EPHX1: variants seen among roughly 807,000 people sequenced by gnomAD.
EPHX1 encodes epoxide hydrolase 1, also known as epoxide hydratase.
Under a neutral mutation model 43.2 loss-of-function variants are expected in EPHX1, and 40 were observed. The ratio of observed to expected loss-of-function variants is 0.93; its 90% CI spans 0.72 to 1.21. EPHX1 has a LOEUF of 1.21. EPHX1 is among the 50% of genes most tolerant of loss of function. EPHX1 has a pLI of 0.00. For synonymous variants in EPHX1, 221 were observed against 226.7 expected (o/e 0.98, Z 0.22); for missense variants, 550 against 570.4 (o/e 0.96, Z 0.36).
chr1:225,831,829 C>T lies in EPHX1; in HGVS notation c.234C>T (p.Asp78=). 6.2e-7 allele frequency: 1 copy of T among 1,614,202 alleles called. No homozygotes were observed. The highest frequency in any genetic ancestry group is 1.7e-5 in the Admixed American group (1 of 60,016). ...TCCGTTTCACCCCACCTTTGGAGGA[C>T]AGCTGCTTCCACTATGGCTTCAACT... ...DKFRFTPPLE[D]SCFHYGFNSN... Residue 78 remains aspartate (D), a synonymous_variant, in exon 3 of 9, where the codon GAC becomes GAT. Coordinates refer to ENST00000272167, the MANE Select transcript of EPHX1 (RefSeq NM_001136018.4).
intron 2 of EPHX1, among the ~76,000 whole-genome samples, chr1:225,831,159 A>G (rs552870465): frequency 2.0e-5 from 3 of 152,324 alleles, no homozygotes; most frequent in Admixed American, 2.0e-4. Flanking sequence ...AAAGCCTAGA[A>G]TATTTACTAT....
chr1:225,818,906 T>C (rs1315792068), intron 1 of EPHX1, among the ~76,000 whole-genome samples: 3 of 135,442 alleles, frequency 2.2e-5, no homozygotes, highest in African/African-American at 8.5e-5. Context: ...CTGGGCAATA[T>C]AGTGAGAACC....
chr1:225,834,604 A>AC (rs1667856523), intron 3 of EPHX1, among the ~76,000 whole-genome samples: 2 of 151,680 alleles, frequency 1.3e-5, no homozygotes, highest in Admixed American at 6.6e-5. Flanking sequence ...AAAAAAAAAA[A>AC]AAAAATCTGG....
intron 6 of EPHX1, among the ~76,000 whole-genome samples, chr1:225,841,765 C>T (rs1668447556): frequency 6.6e-6 from 1 of 151,886 alleles, no homozygotes. Flanking sequence ...CCATGCCCTG[C>T]TAATTTTTTT....
At chr1:225,818,597 G>A (rs763233285) in intron 1 of EPHX1, among the ~76,000 whole-genome samples, 11 of 152,098 alleles carry the variant, frequency 7.2e-5, no homozygotes, top group Non-Finnish European at 1.5e-4. Context: ...AAAGATCGGG[G>A]GGCAGCGTGA....
At chr1:225,824,327 G>A (rs1046342704) in intron 1 of EPHX1, among the ~76,000 whole-genome samples, 1 of 152,214 alleles carries the variant, frequency 6.6e-6, no homozygotes, top group African/African-American at 2.4e-5. Context: ...ACAAGAAGGG[G>A]AGTTGGGGTG....
At chr1:225,834,589 T>TA (rs33985896) in intron 3 of EPHX1, among the ~76,000 whole-genome samples, 13,776 of 121,134 alleles carry the variant, frequency 0.11, 1,050 homozygotes, top group African/African-American at 0.2. Context: ...CCAAGAACAC[T>TA]AAAAAAAAAA....
At chr1:225,834,663 C>A (rs1667859549) in intron 3 of EPHX1, among the ~76,000 whole-genome samples, 1 of 149,454 alleles carries the variant, frequency 6.7e-6, no homozygotes, top group Non-Finnish European at 1.5e-5. Context: ...TTGCTGTATT[C>A]TTTACAGTAA....
chr1:225,816,343 A>T (rs954334733), intron 1 of EPHX1, among the ~76,000 whole-genome samples: 1 of 148,370 alleles, frequency 6.7e-6, no homozygotes, highest in African/African-American at 2.5e-5. Context: ...ATTTTAAAAG[A>T]TTAAAAAAAG....
At chr1:225,826,579 A>G (rs1002999520) in intron 1 of EPHX1, among the ~76,000 whole-genome samples, 2 of 151,988 alleles carry the variant, frequency 1.3e-5, no homozygotes, top group African/African-American at 4.8e-5. Flanking sequence ...TAGACTGAGT[A>G]AATGTTGATC....
rs761335756 is a variant in EPHX1 at position 225,838,689 on chromosome 1, C to G, written c.400C>G (p.Gln134Glu). 5.0e-6 allele frequency: 8 copies of G among 1,614,042 alleles called. No individual in the cohort carries two copies. The Admixed American group carries it at 1.0e-4, about 20-fold the overall frequency. The change falls in exon 4 of 9, where the codon CAG becomes GAG. Residue 134 changes from glutamine to glutamate, a missense_variant. Gln to Glu is a conservative substitution (Grantham distance 29). Coordinates refer to ENST00000272167, the MANE Select transcript of EPHX1 (RefSeq NM_001136018.4). ...DIHFIHVKPP[Q>E]LPAGHTPKPL... Reference sequence around the variant, plus strand: ...CCACTTCATCCACGTGAAGCCCCCCCAGCTGCCCGCAGGCCATACCCCGAA... The same window carrying G: ...CCACTTCATCCACGTGAAGCCCCCCGAGCTGCCCGCAGGCCATACCCCGAA...
At chr1:225,832,089 T>C (rs1667637419) in intron 3 of EPHX1, 130 bp downstream of exon 3, 6 of 1,005,106 alleles carry the variant, frequency 6.0e-6, no homozygotes, top group South Asian at 2.7e-5. Context: ...GATGTACTTA[T>C]ACGTTGTAAC....
At chr1:225,839,152 C>A in intron 4 of EPHX1, 65 bp from the exon 5 acceptor site, 1 of 1,611,452 alleles carries the variant, frequency 6.2e-7, no homozygotes, top group Non-Finnish European at 8.5e-7. Context: ...CATAGAACAC[C>A]AGAGGGCCCA....
intron 7 of EPHX1, 150 bp from the exon 8 acceptor site, chr1:225,844,348 C>A: frequency 1.6e-6 from 2 of 1,254,718 alleles, no homozygotes; most frequent in Non-Finnish European, 2.3e-6. Flanking sequence ...CGCAGCCTGC[C>A]TGTGACACGA....
At chr1:225,811,121 C>T (rs1167467155) in intron 1 of EPHX1, among the ~76,000 whole-genome samples, 2 of 152,132 alleles carry the variant, frequency 1.3e-5, no homozygotes, top group African/African-American at 2.4e-5. Context: ...GGGAGTTCAC[C>T]TTGTAGTTGA....
intron 6 of EPHX1, 58 bp downstream of exon 6, chr1:225,840,095 C>A: frequency 6.4e-7 from 1 of 1,566,052 alleles, no homozygotes; most frequent in Non-Finnish European, 8.8e-7. Flanking sequence ...GGGAGACACC[C>A]GCGGGGTAAC....
Position 225,817,518 on chromosome 1 carries a change from C to T in EPHX1, c.-6+7349C>T, listed in dbSNP as rs1330946145. On this transcript the variant is annotated intron_variant, in intron 1 of 8. Transcript: ENST00000272167. The surrounding 1 kb of genome is among the most constrained non-coding windows in gnomAD (Gnocchi z 5.7). ...GGTGCTGGGGAGGGCAGTATGGGGGCAGGCTTGGGACCAGGCCTGCAGAAG... is the reference window on the plus strand; with the variant it reads ...GGTGCTGGGGAGGGCAGTATGGGGGTAGGCTTGGGACCAGGCCTGCAGAAG... Among the ~76,000 whole-genome samples the T allele has an allele frequency of 1.3e-5, 2 of 152,198 alleles. No homozygotes were observed. The highest frequency in any genetic ancestry group is 2.9e-5 in the Non-Finnish European group (2 of 68,032).
Position 225,831,863 on chromosome 1 carries a change from C to T in EPHX1, c.268C>T (p.Leu90=), listed in dbSNP as rs922436327. The T allele has an allele frequency of 6.2e-7, 1 of 1,614,184 alleles. No individual in the cohort carries two copies. The highest frequency in any genetic ancestry group is 8.5e-7 in the Non-Finnish European group (1 of 1,180,024). Residue 90 remains leucine (L), a synonymous_variant, in exon 3 of 9, where the codon CTG becomes TTG. Coordinates refer to ENST00000272167, the MANE Select transcript of EPHX1 (RefSeq NM_001136018.4). ...CCACTATGGCTTCAACTCCAACTACCTGAAGAAAGTCATCTCCTACTGGCG... is the reference window on the plus strand; with the variant it reads ...CCACTATGGCTTCAACTCCAACTACTTGAAGAAAGTCATCTCCTACTGGCG... ...CFHYGFNSNY[L]KKVISYWRNE...
intron 3 of EPHX1, among the ~76,000 whole-genome samples, chr1:225,834,012 A>T (rs13374417): frequency 3.4e-5 from 5 of 145,508 alleles, no homozygotes; most frequent in East Asian, 2.1e-4. Flanking sequence ...GCAGAAGAAT[A>T]GCGTGAACCC....
Sources: allele counts gnomAD v4.1 joint callset (sites outside exome capture counted in the v4.1 genomes callset), GRCh38; gene constraint gnomAD v4.1.1; non-coding constraint Gnocchi (gnomAD v3.1); transcripts MANE v1.5; gene names NCBI Gene and HGNC (gene_info 2026-07-23, HGNC 2026-07-21).